SPTLC3: variants seen among roughly 807,000 people sequenced by gnomAD.
SPTLC3 encodes the protein serine palmitoyltransferase long chain base subunit 3, also known as serine palmitoyltransferase 3.
In SPTLC3, 36 loss-of-function variants were observed where a neutral mutation model predicts 59.3. The observed-to-expected ratio is 0.61, with a 90% confidence interval of 0.47 to 0.80. SPTLC3 has a LOEUF of 0.80. SPTLC3 is among the 30% of genes least tolerant of loss of function. SPTLC3 has a pLI of 0.00. For missense variants in SPTLC3, 625 were observed against 685.1 expected, an observed-to-expected ratio of 0.91 and a Z score of 0.98; for synonymous variants, 257 against 240.8, an observed-to-expected ratio of 1.07 and a Z score of -0.62.
chr20:13,012,862 C>T (rs1270255895), intron 1 of SPTLC3, among the ~76,000 whole-genome samples: 1 of 152,130 alleles, frequency 6.6e-6, no homozygotes, highest in Non-Finnish European at 1.5e-5. Flanking sequence ...GACAGCTTCT[C>T]AGAGCAGAGA....
At chr20:13,023,074 C>T (rs1377227401) in intron 1 of SPTLC3, among the ~76,000 whole-genome samples, 5 of 152,084 alleles carry the variant, frequency 3.3e-5, no homozygotes, top group South Asian at 2.1e-4. Flanking sequence ...CCTCATCCCC[C>T]GTCCTGGAAC....
At chr20:13,107,814 C>T (rs1989990065) in intron 6 of SPTLC3, among the ~76,000 whole-genome samples, 1 of 149,996 alleles carries the variant, frequency 6.7e-6, no homozygotes, top group Non-Finnish European at 1.5e-5. Context: ...TGATAACATG[C>T]CAGATATTAT....
intron 10 of SPTLC3, among the ~76,000 whole-genome samples, chr20:13,159,000 T>C (rs964761736): frequency 1.3e-5 from 2 of 152,202 alleles, no homozygotes; most frequent in Non-Finnish European, 2.9e-5. Flanking sequence ...CACTTATGGG[T>C]AAAGTCACTC....
At chr20:13,105,898 G>A (rs1235136245) in intron 6 of SPTLC3, among the ~76,000 whole-genome samples, 1 of 152,134 alleles carries the variant, frequency 6.6e-6, no homozygotes, top group African/African-American at 2.4e-5. Context: ...AGGAAGACTG[G>A]TTCTCCAAGT....
intron 1 of SPTLC3, among the ~76,000 whole-genome samples, chr20:13,010,542 G>C (rs1985187552): frequency 6.6e-6 from 1 of 152,180 alleles, no homozygotes; most frequent in South Asian, 2.1e-4. Flanking sequence ...AACGCTGGGA[G>C]GTGTCTATCA....
intron 10 of SPTLC3, among the ~76,000 whole-genome samples, chr20:13,156,039 A>C (rs550906975): frequency 4.2e-4 from 64 of 152,268 alleles, no homozygotes; most frequent in African/African-American, 1.4e-3. Flanking sequence ...ATCTTTAACC[A>C]TCTGATTTTT....
chr20:13,082,834 C>A (rs549095574), intron 4 of SPTLC3, among the ~76,000 whole-genome samples: 36 of 152,298 alleles, frequency 2.4e-4, no homozygotes, highest in Non-Finnish European at 4.1e-4. Flanking sequence ...ATTAAGAATA[C>A]AAACTTCATT....
chr20:13,066,256 G>C (rs963822915), intron 2 of SPTLC3, among the ~76,000 whole-genome samples: 1 of 106,758 alleles, frequency 9.4e-6, no homozygotes, highest in African/African-American at 3.3e-5. Flanking sequence ...TATGAGAAAA[G>C]AATCCAATTT....
At chr20:13,009,413 T>A (rs748448233) in intron 1 of SPTLC3, 29 bp downstream of exon 1, 1 of 1,548,628 alleles carries the variant, frequency 6.5e-7, no homozygotes, top group South Asian at 1.1e-5. Flanking sequence ...TACTCTTCTC[T>A]GAATTACCTG....
chr20:13,061,956 G>A (rs560014884), intron 2 of SPTLC3, among the ~76,000 whole-genome samples: 17 of 152,160 alleles, frequency 1.1e-4, no homozygotes, highest in Non-Finnish European at 2.1e-4. Flanking sequence ...TCTGCAGAAC[G>A]CAGCCTCTCT....
chr20:13,024,742 G>C (rs1005425823), intron 1 of SPTLC3, among the ~76,000 whole-genome samples: 1 of 152,174 alleles, frequency 6.6e-6, no homozygotes, highest in Non-Finnish European at 1.5e-5. Context: ...ATCTAATGAC[G>C]TAAAGGAAGA....
intron 6 of SPTLC3, among the ~76,000 whole-genome samples, chr20:13,103,107 C>A (rs576346506): frequency 3.9e-5 from 6 of 152,316 alleles, no homozygotes; most frequent in African/African-American, 1.2e-4. Context: ...AAAGTCCTTG[C>A]ACAATCTGCT....
At chr20:13,127,895 C>T (rs776611316) in intron 9 of SPTLC3, among the ~76,000 whole-genome samples, 6 of 152,048 alleles carry the variant, frequency 3.9e-5, no homozygotes, top group African/African-American at 7.3e-5. Flanking sequence ...GAAAAGAAAA[C>T]GACAGTCCAG....
chr20:13,092,464 C>G (rs1323246845), intron 5 of SPTLC3, among the ~76,000 whole-genome samples: 1 of 152,158 alleles, frequency 6.6e-6, no homozygotes, highest in African/African-American at 2.4e-5. Flanking sequence ...ATGATAATGT[C>G]TATAAAAAGC....
chr20:13,162,534 A>C (rs1275793069), intron 11 of SPTLC3, among the ~76,000 whole-genome samples: 1 of 152,182 alleles, frequency 6.6e-6, no homozygotes, highest in Admixed American at 6.5e-5. Context: ...CAGCCAGTAC[A>C]TTAAGGTAGC....
intron 3 of SPTLC3, chr20:13,074,067 G>A (rs1212407229): frequency 4.6e-6 from 3 of 651,524 alleles, no homozygotes; most frequent in Non-Finnish European, 8.8e-6. Context: ...GGCCTGCTGT[G>A]GGCTGGAAGC....
chr20:13,020,196 G>A (rs956587828), intron 1 of SPTLC3, among the ~76,000 whole-genome samples: 2 of 152,224 alleles, frequency 1.3e-5, no homozygotes, highest in African/African-American at 2.4e-5. Context: ...CAAGCCCCAT[G>A]TGTGTTAGAC....
intron 8 of SPTLC3, among the ~76,000 whole-genome samples, chr20:13,117,988 C>A (rs1990660494): frequency 6.6e-6 from 1 of 150,926 alleles, no homozygotes; most frequent in Non-Finnish European, 1.5e-5. Flanking sequence ...ATGCAAAGTA[C>A]CAGGCAGAGG....
At chr20:13,152,585 T>C (rs950124506) in intron 9 of SPTLC3, among the ~76,000 whole-genome samples, 12 of 152,190 alleles carry the variant, frequency 7.9e-5, no homozygotes, top group Admixed American at 2.6e-4. Flanking sequence ...TGTAGCTTGA[T>C]AATTATCCCA....
Sources: allele counts gnomAD v4.1 joint callset (sites outside exome capture counted in the v4.1 genomes callset), GRCh38; gene constraint gnomAD v4.1.1; transcripts MANE v1.5; gene names NCBI Gene and HGNC (gene_info 2026-07-23, HGNC 2026-07-21).